MAGEA11: variants seen among roughly 807,000 people sequenced by gnomAD.
MAGEA11 encodes melanoma-associated antigen 11.
In MAGEA11, 1 loss-of-function variant was observed where a neutral mutation model predicts 8.4. That is an observed-to-expected ratio of 0.12 (90% CI 0.04 to 0.57). The LOEUF (loss-of-function observed/expected upper bound fraction) is 0.57, where lower values mean the gene tolerates loss of function less well. MAGEA11 is among the 20% of genes least tolerant of loss of function. The pLI is 0.91. For synonymous variants in MAGEA11, 127 were observed against 119.3 expected (o/e 1.06, Z -0.42); for missense variants, 209 against 317.3 (o/e 0.66, Z 2.59).
chrX:149,698,592 GC>G (rs1437212148), intron 1 of MAGEA11, among the ~76,000 whole-genome samples: 1 of 111,629 alleles, frequency 9.0e-6, no homozygotes, highest in African/African-American at 3.3e-5. Context: ...GAGATAAAGA[GC>G]CCTCACAGCC....
upstream of MAGEA11, chrX:149,711,923 C>T (rs2090402296): frequency 4.6e-6 from 2 of 431,233 alleles, no homozygotes; most frequent in Non-Finnish European, 5.8e-6. Context: ...ACTTTTCCCC[C>T]TGCCCCACCC....
intron 1 of MAGEA11, chrX:149,689,069 C>G: frequency 1.2e-6 from 1 of 854,058 alleles, no homozygotes; most frequent in East Asian, 6.4e-5. Flanking sequence ...AGATAAAGGG[C>G]TATGAAAAAT....
Position 149,712,727 on chromosome X carries a change from T to C in MAGEA11, c.-17-416T>C, listed in dbSNP as rs113241264. ...ACTTCTCAGGCTGGGCCGTCCCCTCTGACACCCCCCTCGGCTTCTGCCCCC... is the reference window on the plus strand; with the variant it reads ...ACTTCTCAGGCTGGGCCGTCCCCTCCGACACCCCCCTCGGCTTCTGCCCCC... On this transcript the variant is annotated intron_variant, in intron 1 of 4. Coordinates refer to ENST00000355220, the MANE Select transcript of MAGEA11 (RefSeq NM_005366.5). Among the ~76,000 whole-genome samples the C allele has an allele frequency of 4.8e-3, 539 of 112,085 alleles. 6 individuals are homozygous for C. The highest frequency in any genetic ancestry group is 0.015 in the African/African-American group (476 of 30,870).
At chrX:149,713,064 C>A in intron 1 of MAGEA11, 79 bp from the exon 2 acceptor site, 1 of 597,505 alleles carries the variant, frequency 1.7e-6, no homozygotes, top group Non-Finnish European at 2.7e-6. Flanking sequence ...GCCTGAGGGA[C>A]AACTGAAGGG....
At chrX:149,692,336 G>A (rs1030754555) in intron 1 of MAGEA11, among the ~76,000 whole-genome samples, 3 of 110,793 alleles carry the variant, frequency 2.7e-5, no homozygotes, top group Non-Finnish European at 5.7e-5. Flanking sequence ...GAACCTGAGA[G>A]GCATAGGTTG....
At chrX:149,703,938 A>G (rs1319102173) in intron 1 of MAGEA11, among the ~76,000 whole-genome samples, 1 of 112,198 alleles carries the variant, frequency 8.9e-6, no homozygotes, top group Admixed American at 9.4e-5. Context: ...ACTGAAGTAC[A>G]TAAAGGATAC....
At chrX:149,702,840 T>C in intron 1 of MAGEA11, among the ~76,000 whole-genome samples, 1 of 112,249 alleles carries the variant, frequency 8.9e-6, no homozygotes, top group Middle Eastern at 4.6e-3. Context: ...GGTATTATTT[T>C]CTTAGCAGTT....
At chrX:149,709,189 G>A (rs976309576), upstream of MAGEA11, among the ~76,000 whole-genome samples, 1 of 109,048 alleles carries the variant, frequency 9.2e-6, no homozygotes, top group African/African-American at 3.4e-5. Flanking sequence ...GGAGGCTGAG[G>A]CAGGAGAATT....
upstream of MAGEA11, chrX:149,711,865 A>G: frequency 1.5e-6 from 1 of 683,039 alleles, no homozygotes. Context: ...CTGAGGGAGG[A>G]CTGAGGCACC....
chrX:149,712,623 T>C (rs1478767060), intron 1 of MAGEA11, among the ~76,000 whole-genome samples: 53 of 111,735 alleles, frequency 4.7e-4, no homozygotes, highest in Admixed American at 1.9e-4. Flanking sequence ...GGACTGAGGA[T>C]GCTCCCTACC....
Position 149,713,211 on chromosome X carries a change from A to C in MAGEA11, c.52A>C (p.Lys18Gln). The change falls in exon 2 of 5, where the codon AAG becomes CAG. Residue 18 changes from lysine (K) to glutamine (Q), a missense_variant. By Grantham distance (53) the Lys-to-Gln change is moderately conservative. This residue lies in a region of MAGEA11 where 131 missense variants were observed against 138.5 expected (regional missense o/e 0.95). Coordinates refer to ENST00000355220, the MANE Select transcript of MAGEA11 (RefSeq NM_005366.5). ...TCTGGGGTGCAGCCCTGCCAGCATC[A>C]AGAGGAAGAAGAAGAGGGAGGACTC... ...GGLGCSPASIKRKKKREDSGD... is the reference protein window; with the variant it reads ...GGLGCSPASIQRKKKREDSGD... 1 of 1,207,067 alleles carries C rather than the reference A, an allele frequency of 8.3e-7. No homozygotes were observed. The highest frequency in any genetic ancestry group is 1.1e-6 in the Non-Finnish European group (1 of 893,014).
At chrX:149,708,350 G>A (rs782404385), upstream of MAGEA11, among the ~76,000 whole-genome samples, 21 of 111,592 alleles carry the variant, frequency 1.9e-4, no homozygotes, top group East Asian at 1.7e-3. Flanking sequence ...CTTGAGTGAC[G>A]GGATCAATAA....
intron 1 of MAGEA11, chrX:149,689,034 C>T: frequency 1.0e-6 from 1 of 983,341 alleles, no homozygotes; most frequent in East Asian, 6.1e-5. Flanking sequence ...TGGGAATGCC[C>T]AGGACCAACT....
chrX:149,689,604 A>G (rs1251058157), intron 1 of MAGEA11, among the ~76,000 whole-genome samples: 1 of 112,440 alleles, frequency 8.9e-6, no homozygotes, highest in Non-Finnish European at 1.9e-5. Flanking sequence ...TACCTGCTAC[A>G]GAACACTGGG....
At chrX:149,688,251 C>T (rs782527387), upstream of MAGEA11, 1 of 112,376 alleles carries the variant, frequency 8.9e-6, no homozygotes, top group Admixed American at 9.4e-5. Flanking sequence ...GTCAGGACCT[C>T]TTCTGAAATG....
At chrX:149,705,199 C>G (rs1370495988) in intron 1 of MAGEA11, among the ~76,000 whole-genome samples, 4 of 112,418 alleles carry the variant, frequency 3.6e-5, no homozygotes, top group Non-Finnish European at 7.5e-5. Context: ...TGTCCCCACA[C>G]AAATCTCCTT....
At chrX:149,710,078 T>C (rs1445934338), upstream of MAGEA11, among the ~76,000 whole-genome samples, 2 of 111,834 alleles carry the variant, frequency 1.8e-5, no homozygotes, top group Non-Finnish European at 3.8e-5. Context: ...AATAGTCAAA[T>C]GAATAAGAGA....
At chrX:149,692,373 C>T (rs1354013458) in intron 1 of MAGEA11, among the ~76,000 whole-genome samples, 1 of 109,301 alleles carries the variant, frequency 9.1e-6, no homozygotes, top group African/African-American at 3.4e-5. Flanking sequence ...CAACACTGCA[C>T]AACAGCTTGG....
chrX:149,709,908 T>G (rs1055504321), upstream of MAGEA11, among the ~76,000 whole-genome samples: 3 of 112,086 alleles, frequency 2.7e-5, no homozygotes, highest in South Asian at 7.4e-4. Context: ...AGGTCATAAA[T>G]GTATGCTATC....
Sources: gnomAD v4.1 joint callset for allele counts (sites outside exome capture counted in the v4.1 genomes callset) on GRCh38, gnomAD v4.1.1 for gene constraint, gnomAD v4.1.1 regional missense constraint, MANE v1.5 for transcripts, NCBI Gene and HGNC (gene_info 2026-07-23, HGNC 2026-07-21) for gene names.